BCL2L11: variants seen among roughly 807,000 people sequenced by gnomAD.
BCL2L11 encodes bcl-2-like protein 11.
Under a neutral mutation model 20.6 loss-of-function variants are expected in BCL2L11, and 15 were observed. That is an observed-to-expected ratio of 0.73 (90% CI 0.49 to 1.12). The LOEUF (loss-of-function observed/expected upper bound fraction) is 1.12, where lower values mean the gene tolerates loss of function less well. Ranked by LOEUF, BCL2L11 falls within the 50% of genes most tolerant of loss-of-function variation. The pLI, the probability that BCL2L11 is intolerant of heterozygous loss-of-function variation, is 0.00. For synonymous variants in BCL2L11, 108 were observed against 92.8 expected (o/e 1.16, Z -0.94); for missense variants, 292 against 260.9 (o/e 1.12, Z -0.82).
intron 3 of BCL2L11, among the ~76,000 whole-genome samples, chr2:111,156,848 T>C (rs912460152): frequency 1.3e-5 from 2 of 152,218 alleles, no homozygotes; most frequent in African/African-American, 4.8e-5. Context: ...TCATCTGTTA[T>C]CGTAATTCTG....
chr2:111,141,603 A>T (rs1189422147), intron 2 of BCL2L11, among the ~76,000 whole-genome samples: 1 of 151,816 alleles, frequency 6.6e-6, no homozygotes, highest in African/African-American at 2.4e-5. Flanking sequence ...AGCATGGCAC[A>T]TGTATACCTA....
intron 2 of BCL2L11, among the ~76,000 whole-genome samples, chr2:111,125,838 C>T (rs1021134143): frequency 1.3e-5 from 2 of 152,136 alleles, no homozygotes; most frequent in Admixed American, 6.5e-5. Flanking sequence ...TACTACTGCT[C>T]GTGAACTCAT....
intron 1 of BCL2L11, chr2:111,123,470 G>A (rs1245502423): frequency 1.0e-6 from 1 of 985,330 alleles, no homozygotes; most frequent in Non-Finnish European, 1.2e-6. Context: ...CTGCTTCTCT[G>A]GAAACGCATG....
chr2:111,161,635 A>G, intron 3 of BCL2L11: 2 of 1,414,772 alleles, frequency 1.4e-6, no homozygotes, highest in Non-Finnish European at 1.9e-6. Flanking sequence ...TTAGTGTCAT[A>G]CTTGCCTTTA....
chr2:111,140,147 CGGGTTGAACTT>C (rs1376823390), intron 2 of BCL2L11, among the ~76,000 whole-genome samples: 1 of 152,124 alleles, frequency 6.6e-6, no homozygotes, highest in East Asian at 1.9e-4. Context: ...GTTGGAGCCC[CGGGTTGAACTT>C]GGGTCTTTGG....
At chr2:111,128,589 C>T in intron 2 of BCL2L11, 1 of 1,491,230 alleles carries the variant, frequency 6.7e-7, no homozygotes, top group Non-Finnish European at 8.9e-7. Flanking sequence ...AGTTTCTCCA[C>T]ATACTTACCA....
intron 2 of BCL2L11, among the ~76,000 whole-genome samples, chr2:111,133,289 A>T (rs1442798871): frequency 6.6e-6 from 1 of 152,220 alleles, no homozygotes; most frequent in African/African-American, 2.4e-5. Flanking sequence ...TCCACAAACC[A>T]AGCAGCCATG....
At chr2:111,164,099 G>T in intron 3 of BCL2L11, 34 bp from the exon 4 acceptor site, 1 of 1,274,736 alleles carries the variant, frequency 7.8e-7, no homozygotes, top group South Asian at 1.2e-5. Flanking sequence ...CCAAATTAGG[G>T]AGAAACTAAG....
rs1314522300 is a variant in BCL2L11, at chr2:111,166,113, G to A, written c.*1882G>A. The A allele has an allele frequency of 6.6e-6, 1 of 152,668 alleles. No individual in the cohort carries two copies. Among genetic ancestry groups the A allele is most frequent in the African/African-American group, 2.4e-5 (1 of 41,458 alleles). The allele number at this position is 152,668 out of a possible 1,614,324, so 9.5% of individuals were successfully genotyped here. A position where few individuals can be genotyped will look rare whatever the true frequency, so the allele number is the denominator to read the frequency against. Reference sequence around the variant, plus strand: ...GGTCATACAAAGCCCACGGTTACAAGCAGTGGTAGGATTGCAGCCGTGGGC... The same window carrying A: ...GGTCATACAAAGCCCACGGTTACAAACAGTGGTAGGATTGCAGCCGTGGGC... On this transcript the variant is annotated 3_prime_UTR_variant, in exon 4 of 4. Coordinates refer to ENST00000393256, the MANE Select transcript of BCL2L11 (RefSeq NM_138621.5).
rs1457754876 is a variant in BCL2L11 at position 111,161,374 on chromosome 2, C to T, written c.499-2759C>T. On this transcript the variant is annotated intron_variant, in intron 3 of 3. Transcript: ENST00000393256. ...AAGACAGTCTGTCTTTTTTATATTA[C>T]CCAGTTTGGGAGTGGCAGAACTTAA... The T allele has an allele frequency of 3.9e-6, 6 of 1,546,530 alleles. No individual in the cohort carries two copies. In the African/African-American group the frequency reaches 5.5e-5, roughly 14 times the overall value.
chr2:111,160,624 A>C lies in BCL2L11; in HGVS notation c.499-3509A>C, dbSNP rs1011776826. On this transcript the variant is annotated intron_variant, in intron 3 of 3. Transcript: ENST00000393256. Reference sequence around the variant, plus strand: ...TTAGGCTATGGAGATTACAGTACCCAACTGGGTGGGGCCCTCCTCTTTGTG... The same window carrying C: ...TTAGGCTATGGAGATTACAGTACCCCACTGGGTGGGGCCCTCCTCTTTGTG... Among the ~76,000 whole-genome samples, 5 of 152,308 alleles carry C rather than the reference A, an allele frequency of 3.3e-5. No individual in the cohort carries two copies. In the East Asian group the frequency reaches 9.6e-4, roughly 29 times the overall value.
chr2:111,154,354 A>G (rs1266154045), intron 3 of BCL2L11, among the ~76,000 whole-genome samples: 1 of 111,340 alleles, frequency 9.0e-6, no homozygotes, highest in Non-Finnish European at 1.8e-5. Context: ...CCCTTCTCAG[A>G]AAAAAAAAAA....
chr2:111,123,678 A>G, intron 1 of BCL2L11, 55 bp from the exon 2 acceptor site: 1 of 1,357,954 alleles, frequency 7.4e-7, no homozygotes, highest in Non-Finnish European at 9.6e-7. Flanking sequence ...TAATTTGTTT[A>G]TTCATCGATT....
chr2:111,150,659 T>G (rs2077138455), intron 3 of BCL2L11, among the ~76,000 whole-genome samples: 1 of 152,240 alleles, frequency 6.6e-6, no homozygotes, highest in Non-Finnish European at 1.5e-5. Flanking sequence ...TTTGGACATT[T>G]AATTGTTGAA....
intron 1 of BCL2L11, chr2:111,122,996 G>C (rs1396347939): frequency 1.0e-6 from 1 of 984,984 alleles, no homozygotes; most frequent in Non-Finnish European, 1.2e-6. Flanking sequence ...CACCGGTGTC[G>C]CCTAGCCTGC....
intron 2 of BCL2L11, chr2:111,130,108 T>TC: frequency 2.5e-6 from 1 of 396,672 alleles, no homozygotes. Flanking sequence ...CTTTTACTTC[T>TC]CTTTTTTTTT....
At chr2:111,145,920 C>CTTTTT (rs58738963) in intron 2 of BCL2L11, 18 of 733,742 alleles carry the variant, frequency 2.5e-5, no homozygotes, top group East Asian at 1.4e-4. Flanking sequence ...TAGTGGCTTT[C>CTTTTT]TTTTTTTTTT....
intron 2 of BCL2L11, chr2:111,128,699 G>A (rs2073228582): frequency 2.6e-6 from 4 of 1,549,684 alleles, no homozygotes; most frequent in Non-Finnish European, 3.5e-6. Context: ...GATTTGTATG[G>A]CCACCACCAT....
chr2:111,135,378 T>C (rs1398090113), intron 2 of BCL2L11, among the ~76,000 whole-genome samples: 1 of 152,200 alleles, frequency 6.6e-6, no homozygotes, highest in Non-Finnish European at 1.5e-5. Context: ...CAGTGCACAC[T>C]GCTTTATTGT....
Sources: gnomAD v4.1 joint callset for allele counts (sites outside exome capture counted in the v4.1 genomes callset) on GRCh38, gnomAD v4.1.1 for gene constraint, MANE v1.5 for transcripts, NCBI Gene and HGNC (gene_info 2026-07-23, HGNC 2026-07-21) for gene names.